DGKH: variants seen among roughly 807,000 people sequenced by gnomAD.
DGKH encodes DAG kinase eta.
In DGKH, 90 loss-of-function variants were observed where a neutral mutation model predicts 159.3. That is an observed-to-expected ratio of 0.57 (90% confidence interval 0.48 to 0.67). The LOEUF (loss-of-function observed/expected upper bound fraction) is 0.67, where lower values mean the gene tolerates loss of function less well. Ranked by LOEUF, DGKH falls within the 30% of genes least tolerant of loss-of-function variation. The probability of loss-of-function intolerance (pLI) is 0.00; values close to 1 mark genes in which losing one functional copy is unlikely to be tolerated. For synonymous variants in DGKH, 536 were observed against 553.8 expected (o/e 0.97, Z 0.45); for missense variants, 1,181 against 1,506.1 (o/e 0.78, Z 3.57).
intron 1 of DGKH, among the ~76,000 whole-genome samples, chr13:42,041,108 C>A (rs1357667102): frequency 1.3e-5 from 2 of 152,160 alleles, no homozygotes; most frequent in Non-Finnish European, 2.9e-5. Flanking sequence ...GCCTGGAGCG[C>A]CTTTGTCCGG....
At chr13:42,144,211 C>T (rs1955657876) in intron 3 of DGKH, among the ~76,000 whole-genome samples, 1 of 152,134 alleles carries the variant, frequency 6.6e-6, no homozygotes, top group African/African-American at 2.4e-5. Context: ...GTGTTAACTA[C>T]AGTTTCTTAA....
chr13:42,159,751 G>T (rs1956132138), intron 6 of DGKH, among the ~76,000 whole-genome samples: 1 of 152,132 alleles, frequency 6.6e-6, no homozygotes, highest in Non-Finnish European at 1.5e-5. Context: ...TTCTGGGAAC[G>T]CTTAGTGATC....
At position 42,048,716 on chromosome 13, in the gene DGKH, C is replaced by G; in HGVS notation, c.-58C>G. On this transcript the variant is annotated 5_prime_UTR_variant, in exon 1 of 30. Coordinates refer to ENST00000337343, the MANE Select transcript of DGKH (RefSeq NM_178009.5). This position sits in a 1 kb window ranked among gnomAD's most constrained non-coding sequence, Gnocchi z 6.7. ...GCTCCGCTCGGGCAGAGCCCACCCG[C>G]TGACCAACGCCGCCGCCCCCGCCGG... 8.1e-7 allele frequency: 1 copy of G among 1,237,966 alleles called. No homozygotes were observed. Among genetic ancestry groups the G allele is most frequent in the South Asian group, 3.8e-5 (1 of 26,190 alleles). The allele number at this position is 1,237,966 out of a possible 1,614,324, so 76.7% of individuals were successfully genotyped here.
chr13:42,198,893 T>C, intron 18 of DGKH, among the ~76,000 whole-genome samples: 1 of 152,166 alleles, frequency 6.6e-6, no homozygotes, highest in East Asian at 1.9e-4. Flanking sequence ...CCTCCTTTCT[T>C]CTCAGTCTTG....
In DGKH at chr13:42,237,240, C is replaced by T. The variant is rs1325585713; in HGVS notation, c.*8052C>T. 2 of 152,092 alleles carry T rather than the reference C, an allele frequency of 1.3e-5. No homozygotes were observed. The highest frequency in any genetic ancestry group is 3.8e-4 in the East Asian group (2 of 5,198). 9.4% of individuals were successfully genotyped at this position (152,092 alleles called of 1,614,324 possible). ...CCAAAGAAAATTGCTTTAATAAGCC[C>T]TAACTTTAACTGTTTTCTTCTATGT... On this transcript the variant is annotated 3_prime_UTR_variant, in exon 30 of 30. Coordinates refer to ENST00000337343, the MANE Select transcript of DGKH (RefSeq NM_178009.5).
chr13:42,100,001 G>A (rs1198646078), intron 1 of DGKH, among the ~76,000 whole-genome samples: 1 of 152,182 alleles, frequency 6.6e-6, no homozygotes, highest in African/African-American at 2.4e-5. Context: ...TTACACATTA[G>A]ATCAGGGGTC....
chr13:42,109,651 CCT>C (rs1566106022), intron 1 of DGKH, among the ~76,000 whole-genome samples: 6 of 81,222 alleles, frequency 7.4e-5, no homozygotes, highest in South Asian at 3.3e-4. Context: ...TGCGTGCGTG[CCT>C]GTGCGTGCGT....
intron 1 of DGKH, among the ~76,000 whole-genome samples, chr13:42,110,767 T>G (rs905517967): frequency 6.6e-6 from 1 of 152,246 alleles, no homozygotes; most frequent in African/African-American, 2.4e-5. Flanking sequence ...CTTGTGGTAA[T>G]GCATGGTAGT....
chr13:42,141,211 G>GT, intron 3 of DGKH, among the ~76,000 whole-genome samples: 1 of 151,440 alleles, frequency 6.6e-6, no homozygotes, highest in Non-Finnish European at 1.5e-5. Flanking sequence ...CTTCATCCAT[G>GT]TCCCTACAAA....
At chr13:42,220,372 C>T (rs9594709) in intron 28 of DGKH, among the ~76,000 whole-genome samples, 25,807 of 152,136 alleles carry the variant, frequency 0.17, 2,336 homozygotes, top group Admixed American at 0.25. Context: ...GCCCCCTCTT[C>T]GCTGCTATTT....
chr13:42,218,818 A>G (rs909499398), intron 26 of DGKH, among the ~76,000 whole-genome samples: 1 of 152,134 alleles, frequency 6.6e-6, no homozygotes, highest in African/African-American at 2.4e-5. Context: ...CTGGTGACCT[A>G]TTTAAATCAG....
intron 23 of DGKH, among the ~76,000 whole-genome samples, chr13:42,210,345 C>T (rs992511436): frequency 6.6e-6 from 1 of 151,960 alleles, no homozygotes; most frequent in Non-Finnish European, 1.5e-5. Flanking sequence ...ACTATGTTGC[C>T]TAGACTGGCC....
chr13:42,169,326 G>A (rs1206380097), intron 11 of DGKH, among the ~76,000 whole-genome samples: 1 of 152,030 alleles, frequency 6.6e-6, no homozygotes, highest in Non-Finnish European at 1.5e-5. Flanking sequence ...CCTTTCCCAG[G>A]GGCAGGAAAA....
At chr13:42,131,813 C>T (rs534765923) in intron 3 of DGKH, among the ~76,000 whole-genome samples, 5 of 152,354 alleles carry the variant, frequency 3.3e-5, no homozygotes, top group Non-Finnish European at 4.4e-5. Context: ...GGATTGTTAA[C>T]TCATCCATCT....
intron 1 of DGKH, among the ~76,000 whole-genome samples, chr13:42,099,008 C>CAG (rs1292359677): frequency 1.3e-5 from 2 of 152,148 alleles, no homozygotes; most frequent in Non-Finnish European, 2.9e-5. Flanking sequence ...AATAGAAGGT[C>CAG]AGAGAGAGAG....
chr13:42,113,830 A>G lies in DGKH; in HGVS notation c.193-13633A>G, dbSNP rs567878884. ...AAAAATATTTAGAAGGGCAAATAAA[A>G]GGAAAAAGCAATGTTATGATAGGAG... On this transcript the variant is annotated intron_variant, in intron 1 of 29. Coordinates refer to ENST00000337343, the MANE Select transcript of DGKH (RefSeq NM_178009.5). Among the ~76,000 whole-genome samples the G allele has an allele frequency of 6.2e-4, 95 of 152,324 alleles. 1 individual carries two copies. Among genetic ancestry groups the G allele is most frequent in the African/African-American group, 2.1e-3 (87 of 41,576 alleles).
intron 1 of DGKH, among the ~76,000 whole-genome samples, chr13:42,049,503 G>A (rs1274356070): frequency 6.6e-6 from 1 of 152,260 alleles, no homozygotes; most frequent in Non-Finnish European, 1.5e-5. Context: ...GTGGGTGGAA[G>A]GTGACACCGG....
chr13:42,154,987 T>C (rs990736715), intron 3 of DGKH, among the ~76,000 whole-genome samples: 1 of 152,228 alleles, frequency 6.6e-6, no homozygotes, highest in African/African-American at 2.4e-5. Flanking sequence ...CTATGAATTA[T>C]TTTGAAGTAT....
downstream of DGKH, among the ~76,000 whole-genome samples, chr13:42,244,966 G>T (rs1958569985): frequency 1.3e-5 from 2 of 149,750 alleles, no homozygotes; most frequent in Non-Finnish European, 3.0e-5. Flanking sequence ...CACCTTCAGG[G>T]GAAAGTGGGG....
Sources: allele counts gnomAD v4.1 joint callset (sites outside exome capture counted in the v4.1 genomes callset), GRCh38; gene constraint gnomAD v4.1.1; non-coding constraint Gnocchi (gnomAD v3.1); transcripts MANE v1.5; gene names NCBI Gene and HGNC (gene_info 2026-07-23, HGNC 2026-07-21).